PHF20: variants seen among roughly 807,000 people sequenced by gnomAD.
PHF20 encodes glioma-expressed antigen 2.
In PHF20, 23 loss-of-function variants were observed where a neutral mutation model predicts 113.5. The observed-to-expected ratio is 0.20, with a 90% confidence interval of 0.15 to 0.29. PHF20 has a LOEUF of 0.29. PHF20 is among the 10% of genes least tolerant of loss of function. PHF20 has a pLI of 1.00. For missense variants in PHF20, 943 were observed against 1,219.6 expected (o/e 0.77, Z 3.38); for synonymous variants, 434 against 457.3 (o/e 0.95, Z 0.65).
intron 3 of PHF20, among the ~76,000 whole-genome samples, chr20:35,846,444 G>A (rs766828119): frequency 2.6e-4 from 39 of 152,212 alleles, no homozygotes; most frequent in South Asian, 8.3e-4. Context: ...GATTACAGGT[G>A]TGAGCCACTG....
At chr20:35,799,934 G>T (rs1343096714) in intron 1 of PHF20, among the ~76,000 whole-genome samples, 1 of 152,102 alleles carries the variant, frequency 6.6e-6, no homozygotes, top group Non-Finnish European at 1.5e-5. Flanking sequence ...CAAAGTGTTG[G>T]GATTACAGGC....
chr20:35,840,419 G>A (rs918053988), intron 2 of PHF20, among the ~76,000 whole-genome samples: 4 of 152,076 alleles, frequency 2.6e-5, no homozygotes, highest in African/African-American at 7.2e-5. Flanking sequence ...AAACCAGCCC[G>A]AGTATTTTAA....
chr20:35,941,093 C>A (rs1354526972), intron 17 of PHF20, 46 bp downstream of exon 17: 3 of 1,516,098 alleles, frequency 2.0e-6, no homozygotes, highest in Admixed American at 1.8e-5. Context: ...TGCAGTCGAG[C>A]ACCCCCAGAC....
At chr20:35,850,299 T>TTTTTTTTTG (rs2042697563) in intron 4 of PHF20, among the ~76,000 whole-genome samples, 1 of 96,684 alleles carries the variant, frequency 1.0e-5, no homozygotes, top group Non-Finnish European at 2.0e-5. Context: ...CCCCTCCGTT[T>TTTTTTTTTG]TTTTTTTTTT....
Position 35,927,842 on chromosome 20 carries a change from C to T in PHF20, c.2067C>T (p.Pro689=), listed in dbSNP as rs202013986. ...TGGGATTACTGGAAGAAAATGTGCC[C>T]GAGAAATACACCTGTTATGTTTGCC... ...VCMGLLEENV[P]EKYTCYVCQD... Residue 689 remains proline, a synonymous_variant, in exon 14 of 18, where the codon CCC becomes CCT. Transcript: ENST00000374012. The T allele has an allele frequency of 9.7e-5, 156 of 1,613,854 alleles. No individual in the cohort carries two copies. Among genetic ancestry groups the T allele is most frequent in the Middle Eastern group, 3.3e-4 (2 of 6,062 alleles).
At chr20:35,893,742 G>C (rs1353998951) in intron 9 of PHF20, among the ~76,000 whole-genome samples, 1 of 152,024 alleles carries the variant, frequency 6.6e-6, no homozygotes, top group Non-Finnish European at 1.5e-5. Flanking sequence ...AGCCCCCCGA[G>C]TAGCTGGGAT....
chr20:35,863,938 G>A (rs542663968), intron 6 of PHF20, among the ~76,000 whole-genome samples: 89 of 152,164 alleles, frequency 5.8e-4, no homozygotes, highest in Admixed American at 2.4e-3. Flanking sequence ...TGGCTAATTG[G>A]TAAGAGTCAA....
At chr20:35,844,076 G>A (rs1041638891) in intron 3 of PHF20, among the ~76,000 whole-genome samples, 1 of 151,802 alleles carries the variant, frequency 6.6e-6, no homozygotes, top group Non-Finnish European at 1.5e-5. Flanking sequence ...GAGTGGGAGC[G>A]GGCTCAAGCA....
At chr20:35,865,854 G>A (rs963677531) in intron 6 of PHF20, among the ~76,000 whole-genome samples, 2 of 152,044 alleles carry the variant, frequency 1.3e-5, no homozygotes, top group Non-Finnish European at 2.9e-5. Context: ...TTGGCCAGGC[G>A]TGGTGGCTCA....
rs2055052993 is a variant in PHF20 at position 35,899,463 on chromosome 20, G to A, written c.1376G>A (p.Cys459Tyr). The part of the protein sequence containing the change: ...DHKFRCKVVD[C>Y]LKFFRKAKLL... ...AAGTTTAGATGCAAAGTTGTGGACT[G>A]TTTAAAATTTTTCCGCAAAGCCAAA... Residue 459 changes from cysteine to tyrosine, a missense_variant, in exon 10 of 18, where the codon TGT (cysteine) becomes TAT (tyrosine). By Grantham distance (194) the Cys-to-Tyr change is radical. Around this residue, in one of 3 missense-constraint regions of PHF20, gnomAD observed 592 missense variants for 787.2 expected, o/e 0.75. Coordinates refer to ENST00000374012, the MANE Select transcript of PHF20 (RefSeq NM_016436.5). 1.2e-6 allele frequency: 2 copies of A among 1,614,034 alleles called. No homozygotes were observed. Among genetic ancestry groups the A allele is most frequent in the African/African-American group, 1.3e-5 (1 of 74,920 alleles).
intron 2 of PHF20, among the ~76,000 whole-genome samples, chr20:35,822,424 CA>C (rs113601542): frequency 0.058 from 7,171 of 123,962 alleles, 195 homozygotes; most frequent in African/African-American, 0.11. Flanking sequence ...GACCCTGTTT[CA>C]AAAAAAAAAA....
In PHF20 at chr20:35,863,161, G is replaced by A. The variant is rs2054247751; in HGVS notation, c.569G>A (p.Arg190Gln). The change falls in exon 6 of 18, where the codon CGA (arginine) becomes CAA (glutamine). Residue 190 changes from arginine (R) to glutamine (Q), a missense_variant. This residue lies in a region of PHF20 where 592 missense variants were observed against 787.2 expected (regional missense o/e 0.75). Coordinates refer to ENST00000374012, the MANE Select transcript of PHF20 (RefSeq NM_016436.5). Reference sequence around the variant, plus strand: ...GATAAACCCTTAAAGACAGAAAAGCGACCCAAGCAGCCTGATAAAGAAGGA... The same window carrying A: ...GATAAACCCTTAAAGACAGAAAAGCAACCCAAGCAGCCTGATAAAGAAGGA... ...KEDKPLKTEKRPKQPDKEGKL... is the reference protein window; with the variant it reads ...KEDKPLKTEKQPKQPDKEGKL... The A allele has an allele frequency of 1.2e-6, 2 of 1,613,742 alleles. No homozygotes were observed. The highest frequency in any genetic ancestry group is 2.2e-5 in the East Asian group (1 of 44,882).
chr20:35,935,174 C>T (rs1253593958), intron 15 of PHF20, among the ~76,000 whole-genome samples: 1 of 151,868 alleles, frequency 6.6e-6, no homozygotes, highest in African/African-American at 2.4e-5. Context: ...TTATTTTCTT[C>T]TCGACAGTCT....
chr20:35,891,195 G>A (rs1193589823), intron 9 of PHF20, among the ~76,000 whole-genome samples: 1 of 152,052 alleles, frequency 6.6e-6, no homozygotes, highest in African/African-American at 2.4e-5. Flanking sequence ...TGTCGTAAAT[G>A]ACGAAACCCG....
chr20:35,852,521 TAGAG>T (rs1358925168), intron 4 of PHF20, among the ~76,000 whole-genome samples: 2 of 152,092 alleles, frequency 1.3e-5, no homozygotes, highest in Non-Finnish European at 1.5e-5. Context: ...AGAAAATACT[TAGAG>T]GGAGGGGAAG....
Position 35,916,124 on chromosome 20 carries a change from C to CA in PHF20, c.1826-1360_1826-1359insA, listed in dbSNP as rs370056597. Among the ~76,000 whole-genome samples the CA allele has an allele frequency of 1.4e-3, 207 of 152,040 alleles. 2 individuals carry two copies. The Middle Eastern group carries it at 0.017, about 12-fold the overall frequency. Reference sequence around the variant, plus strand: ...TGCACTCTGGGAGAAAGAATGAGACCCTGTCTCAAAAATAAGTAAATAAAA... The same window carrying CA: ...TGCACTCTGGGAGAAAGAATGAGACCACTGTCTCAAAAATAAGTAAATAAAA... On this transcript the variant is annotated intron_variant, in intron 12 of 17. Transcript: ENST00000374012.
At chr20:35,778,436 C>G (rs1408285436) in intron 1 of PHF20, among the ~76,000 whole-genome samples, 2 of 152,120 alleles carry the variant, frequency 1.3e-5, no homozygotes, top group Non-Finnish European at 2.9e-5. Flanking sequence ...CCCTTACAGG[C>G]TATTGACTAT....
At chr20:35,876,632 A>G (rs2054527642) in intron 9 of PHF20, among the ~76,000 whole-genome samples, 1 of 152,090 alleles carries the variant, frequency 6.6e-6, no homozygotes, top group Non-Finnish European at 1.5e-5. Flanking sequence ...TTGGGCAAGC[A>G]TTCATTTATG....
chr20:35,797,872 G>A (rs567816591), intron 1 of PHF20, among the ~76,000 whole-genome samples: 2 of 151,682 alleles, frequency 1.3e-5, no homozygotes, highest in African/African-American at 2.4e-5. Flanking sequence ...GGATTGTCTC[G>A]ATCTCTTGAC....
Sources: allele counts gnomAD v4.1 joint callset (sites outside exome capture counted in the v4.1 genomes callset), GRCh38; gene constraint gnomAD v4.1.1; regional missense constraint gnomAD v4.1.1; transcripts MANE v1.5; gene names NCBI Gene and HGNC (gene_info 2026-07-23, HGNC 2026-07-21).